The following DACH2 variants were observed in gnomAD, a reference collection of about 807,000 sequenced individuals.
DACH2 encodes the protein dachshund homolog 2.
A neutral mutation model predicts 35.8 loss-of-function variants in DACH2; 17 were observed. The observed-to-expected ratio is 0.48, with a 90% CI of 0.33 to 0.71. DACH2 has a LOEUF of 0.71. DACH2 is among the 30% of genes least tolerant of loss of function. The pLI is 0.02. For missense variants in DACH2, 469 were observed against 472.7 expected (o/e 0.99, Z 0.07); for synonymous variants, 195 against 177.3 (o/e 1.10, Z -0.79).
intron 7 of DACH2, among the ~76,000 whole-genome samples, chrX:86,750,147 G>A (rs1214213525): frequency 9.0e-6 from 1 of 111,178 alleles, no homozygotes; most frequent in African/African-American, 3.3e-5. Flanking sequence ...GACATGGTGA[G>A]AGTGAATATC....
intron 4 of DACH2, among the ~76,000 whole-genome samples, chrX:86,686,478 G>T (rs777085647): frequency 4.5e-5 from 5 of 110,210 alleles, no homozygotes; most frequent in Non-Finnish European, 9.5e-5. Flanking sequence ...TGACCCACCC[G>T]CCTCGGCCTC....
At chrX:86,379,629 C>T (rs899986513) in intron 2 of DACH2, among the ~76,000 whole-genome samples, 5 of 110,089 alleles carry the variant, frequency 4.5e-5, no homozygotes, top group African/African-American at 9.9e-5. Context: ...ATGAGAAAGT[C>T]GAGAACTTTA....
At chrX:86,405,876 G>A (rs1016616874) in intron 2 of DACH2, among the ~76,000 whole-genome samples, 1 of 111,740 alleles carries the variant, frequency 8.9e-6, no homozygotes, top group Admixed American at 9.5e-5. Context: ...CAATCATGGT[G>A]GAAGGGGAAA....
At chrX:86,196,319 G>T (rs2031981726) in intron 1 of DACH2, among the ~76,000 whole-genome samples, 1 of 111,190 alleles carries the variant, frequency 9.0e-6, no homozygotes, top group Non-Finnish European at 1.9e-5. Context: ...AATAGACCAA[G>T]CGCAGGAAAG....
chrX:86,415,496 C>T (rs1474388642), intron 2 of DACH2, among the ~76,000 whole-genome samples: 2 of 111,969 alleles, frequency 1.8e-5, no homozygotes, highest in African/African-American at 6.5e-5. Flanking sequence ...TCCTACATCT[C>T]AGTTTTCAAC....
chrX:86,518,671 T>C (rs2038508531), intron 3 of DACH2, among the ~76,000 whole-genome samples: 1 of 112,020 alleles, frequency 8.9e-6, no homozygotes, highest in African/African-American at 3.2e-5. Flanking sequence ...TGAATGGGAT[T>C]GCCTTTCTGA....
chrX:86,541,588 A>G (rs1339197724), intron 3 of DACH2, among the ~76,000 whole-genome samples: 1 of 111,650 alleles, frequency 9.0e-6, no homozygotes, highest in African/African-American at 3.2e-5. Context: ...TGGAAGAAAA[A>G]CATATCTGAT....
chrX:86,793,783 T>G (rs772374011), intron 7 of DACH2, among the ~76,000 whole-genome samples: 106 of 112,256 alleles, frequency 9.4e-4, no homozygotes, highest in African/African-American at 3.1e-3. Flanking sequence ...TGCCAAATTA[T>G]AGTCATCAAA....
intron 1 of DACH2, among the ~76,000 whole-genome samples, chrX:86,150,919 G>C (rs1363558033): frequency 9.0e-6 from 1 of 110,736 alleles, no homozygotes; most frequent in Non-Finnish European, 1.9e-5. Flanking sequence ...CTCCATCCCT[G>C]TTCTTTCTCT....
chrX:86,303,964 C>T (rs965324848), intron 1 of DACH2, among the ~76,000 whole-genome samples: 2 of 111,304 alleles, frequency 1.8e-5, no homozygotes, highest in African/African-American at 6.5e-5. Context: ...AGGTATCACA[C>T]TACCTGACTT....
chrX:86,630,454 G>A (rs1013387947), intron 3 of DACH2, among the ~76,000 whole-genome samples: 2 of 109,179 alleles, frequency 1.8e-5, no homozygotes, highest in African/African-American at 6.7e-5. Context: ...GAGAGCTTGT[G>A]GCATATGATA....
chrX:86,778,092 G>T, intron 7 of DACH2, among the ~76,000 whole-genome samples: 1 of 111,724 alleles, frequency 9.0e-6, no homozygotes, highest in Middle Eastern at 4.6e-3. Flanking sequence ...TAGTGCTGCA[G>T]CAAACCTGGG....
chrX:86,255,660 A>C (rs1206220379), intron 1 of DACH2, among the ~76,000 whole-genome samples: 1 of 111,613 alleles, frequency 9.0e-6, no homozygotes, highest in African/African-American at 3.3e-5. Flanking sequence ...GAAAAATGTT[A>C]TTCTCTTTTC....
chrX:86,753,683 G>C (rs990798587), intron 7 of DACH2, among the ~76,000 whole-genome samples: 2 of 111,389 alleles, frequency 1.8e-5, no homozygotes, highest in Non-Finnish European at 3.8e-5. Flanking sequence ...GTAATGATGA[G>C]AGATATTATT....
Position 86,249,190 on chromosome X carries a change from A to G in DACH2, c.488+100082A>G, listed in dbSNP as rs759640881. On this transcript the variant is annotated intron_variant, in intron 1 of 11. Transcript: ENST00000373125. ...CCTTCAAAAGCAATTTCAACAAACAAAAACTGATAAGTGGGGCCTAATTTA... is the reference window on the plus strand; with the variant it reads ...CCTTCAAAAGCAATTTCAACAAACAGAAACTGATAAGTGGGGCCTAATTTA... Among the ~76,000 whole-genome samples, 5 of 111,514 alleles carry G rather than the reference A, an allele frequency of 4.5e-5. No homozygotes were observed. The South Asian group carries it at 1.9e-3, about 42-fold the overall frequency.
chrX:86,597,935 C>G (rs1602684448), intron 3 of DACH2, among the ~76,000 whole-genome samples: 1 of 111,907 alleles, frequency 8.9e-6, no homozygotes, highest in Non-Finnish European at 1.9e-5. Flanking sequence ...AATGGACTTA[C>G]AGTCCCACGT....
chrX:86,281,156 G>A (rs1198536315), intron 1 of DACH2, among the ~76,000 whole-genome samples: 1 of 111,348 alleles, frequency 9.0e-6, no homozygotes, highest in Non-Finnish European at 1.9e-5. Context: ...ATTCTTCTCA[G>A]CACCACATCA....
At chrX:86,204,775 G>A (rs1327318521) in intron 1 of DACH2, among the ~76,000 whole-genome samples, 2 of 111,209 alleles carry the variant, frequency 1.8e-5, no homozygotes, top group Non-Finnish European at 3.8e-5. Context: ...ATTTATATTG[G>A]CACTCACAGC....
intron 3 of DACH2, among the ~76,000 whole-genome samples, chrX:86,529,813 T>C (rs66796032): frequency 0.14 from 15,429 of 110,382 alleles, 939 homozygotes; most frequent in East Asian, 0.24. Context: ...TGAGAACATG[T>C]GATGTTTGCC....
Sources: gnomAD v4.1 joint callset for allele counts (sites outside exome capture counted in the v4.1 genomes callset) on GRCh38, gnomAD v4.1.1 for gene constraint, MANE v1.5 for transcripts, NCBI Gene and HGNC (gene_info 2026-07-23, HGNC 2026-07-21) for gene names.